BBX: variants seen among roughly 807,000 people sequenced by gnomAD.
The protein encoded by BBX is HMG box transcription factor BBX.
In BBX, 30 loss-of-function variants were observed where a neutral mutation model predicts 100.2. The ratio of observed to expected loss-of-function variants is 0.30; its 90% confidence interval spans 0.22 to 0.41. The LOEUF is 0.41. BBX is among the 10% of genes least tolerant of loss of function. The pLI, the probability that BBX is intolerant of heterozygous loss-of-function variation, is 1.00. For missense variants in BBX, 1,023 were observed against 1,129.8 expected, an observed-to-expected ratio of 0.91 and a Z score of 1.35; for synonymous variants, 376 against 388.1, an observed-to-expected ratio of 0.97 and a Z score of 0.37.
chr3:107,786,664 A>G (rs1053378621), intron 13 of BBX, among the ~76,000 whole-genome samples: 2 of 152,210 alleles, frequency 1.3e-5, no homozygotes, highest in Non-Finnish European at 1.5e-5. Context: ...TCAAAAACTT[A>G]AATGTTAAAG....
At chr3:107,774,600 A>T in intron 11 of BBX, 119 bp from the exon 12 acceptor site, 1 of 1,074,488 alleles carries the variant, frequency 9.3e-7, no homozygotes, top group Non-Finnish European at 1.3e-6. Flanking sequence ...TGAAATAGCT[A>T]CAGTTAGCTT....
chr3:107,756,091 A>T (rs1202214907), intron 10 of BBX, among the ~76,000 whole-genome samples: 1 of 152,090 alleles, frequency 6.6e-6, no homozygotes, highest in Non-Finnish European at 1.5e-5. Flanking sequence ...AAGAATTCAT[A>T]TGACATGTTC....
chr3:107,581,660 C>T (rs957390792), intron 2 of BBX, among the ~76,000 whole-genome samples: 6 of 152,106 alleles, frequency 3.9e-5, no homozygotes, highest in African/African-American at 1.4e-4. Context: ...TACACTGCTT[C>T]ATACTCCGTC....
At chr3:107,757,798 A>G (rs530789022) in intron 10 of BBX, among the ~76,000 whole-genome samples, 1 of 152,326 alleles carries the variant, frequency 6.6e-6, no homozygotes, top group South Asian at 2.1e-4. Context: ...GCATTTTAAG[A>G]TAAATAAATA....
rs182705305 is a variant in BBX at position 107,603,710 on chromosome 3, G to A, written c.-83-42126G>A. 3.2e-3 allele frequency among the ~76,000 whole-genome samples: 480 copies of A among 152,210 alleles called. 1 individual carries two copies. Among genetic ancestry groups the A allele is most frequent in the Non-Finnish European group, 4.8e-3 (328 of 68,014 alleles). ...CATCTTATTTTAAGAAATTGCTACA[G>A]CCATCCTGACATTCAGCAACCACCA... On this transcript the variant is annotated intron_variant, in intron 2 of 17. Coordinates refer to ENST00000325805, the MANE Select transcript of BBX (RefSeq NM_001142568.3).
chr3:107,723,825 G>A (rs2062718941), intron 5 of BBX, among the ~76,000 whole-genome samples: 1 of 152,072 alleles, frequency 6.6e-6, no homozygotes, highest in Admixed American at 6.6e-5. Flanking sequence ...GGACATTTGG[G>A]TTGGTTCCAA....
At chr3:107,616,561 T>TTG (rs994577367) in intron 2 of BBX, among the ~76,000 whole-genome samples, 21 of 152,116 alleles carry the variant, frequency 1.4e-4, no homozygotes, top group South Asian at 6.2e-4. Context: ...CTATCGTTTT[T>TTG]TGTGTGTGTG....
At chr3:107,791,191 A>G (rs2068981498) in intron 14 of BBX, 49 bp from the exon 15 acceptor site, 3 of 1,511,984 alleles carry the variant, frequency 2.0e-6, no homozygotes, top group African/African-American at 1.4e-5. Context: ...TGGGGAATCT[A>G]CTAAGAGTAG....
intron 5 of BBX, among the ~76,000 whole-genome samples, chr3:107,728,080 C>T (rs1489666371): frequency 6.6e-6 from 1 of 152,080 alleles, no homozygotes; most frequent in African/African-American, 2.4e-5. Context: ...AAGGTTGAAA[C>T]CTCCAAGTAA....
intron 3 of BBX, among the ~76,000 whole-genome samples, chr3:107,686,424 G>A (rs1224072574): frequency 1.3e-5 from 2 of 149,446 alleles, no homozygotes; most frequent in South Asian, 4.2e-4. Context: ...TGTTGTTCTT[G>A]TTTTTTGTTT....
At chr3:107,593,332 A>G (rs927992093) in intron 2 of BBX, among the ~76,000 whole-genome samples, 2 of 152,198 alleles carry the variant, frequency 1.3e-5, no homozygotes, top group African/African-American at 4.8e-5. Flanking sequence ...AACCCAAGGG[A>G]GGCTTCCTTT....
chr3:107,699,247 C>T (rs549872079), intron 3 of BBX, among the ~76,000 whole-genome samples: 2 of 151,736 alleles, frequency 1.3e-5, no homozygotes, highest in South Asian at 2.1e-4. Context: ...AGCTAAGCCC[C>T]GAAGCAGGGA....
chr3:107,740,299 AT>A (rs1030140441), intron 7 of BBX, among the ~76,000 whole-genome samples: 47 of 151,734 alleles, frequency 3.1e-4, no homozygotes, highest in Admixed American at 3.0e-3. Flanking sequence ...CATCTCTCAA[AT>A]TTCCTCTTTC....
chr3:107,555,552 A>G (rs1347784924), intron 2 of BBX, among the ~76,000 whole-genome samples: 1 of 152,212 alleles, frequency 6.6e-6, no homozygotes, highest in Non-Finnish European at 1.5e-5. Context: ...CGGAACCAAA[A>G]CTACTATCCC....
rs1404237180 is a variant in BBX, at chr3:107,806,093, C to T, written c.*636C>T. On this transcript the variant is annotated 3_prime_UTR_variant, in exon 18 of 18. Transcript: ENST00000325805. ...ATATATTCTGCACTTTTATATTTGCCACCAGAATGGTAGTTTGCTGGCAAA... is the reference window on the plus strand; with the variant it reads ...ATATATTCTGCACTTTTATATTTGCTACCAGAATGGTAGTTTGCTGGCAAA... 2 of 146,724 alleles carry T rather than the reference C, an allele frequency of 1.4e-5. No individual in the cohort carries two copies. The highest frequency in any genetic ancestry group is 5.1e-5 in the African/African-American group (2 of 39,096). 9.1% of individuals were successfully genotyped at this position (146,724 alleles called of 1,614,324 possible). A position where few individuals can be genotyped will look rare whatever the true frequency, so the allele number is the denominator to read the frequency against.
At chr3:107,743,734 G>A (rs2064308114) in intron 7 of BBX, among the ~76,000 whole-genome samples, 1 of 152,108 alleles carries the variant, frequency 6.6e-6, no homozygotes, top group South Asian at 2.1e-4. Context: ...AATTACACTA[G>A]AGAAGACTTA....
rs76996802 is a variant in BBX at position 107,560,024 on chromosome 3, G to A, written c.-84+33626G>A. ...CTCCCAAAATGCTGGCATTATAGGT[G>A]TGAGTTACCACACTGGGCCAGGATT... On this transcript the variant is annotated intron_variant, in intron 2 of 17. Transcript: ENST00000325805. 2.8e-3 allele frequency among the ~76,000 whole-genome samples: 422 copies of A among 152,276 alleles called. 5 individuals are homozygous for A. Among genetic ancestry groups the A allele is most frequent in the African/African-American group, 9.6e-3 (401 of 41,560 alleles).
intron 2 of BBX, among the ~76,000 whole-genome samples, chr3:107,601,034 CA>C (rs1177342440): frequency 6.6e-6 from 1 of 152,200 alleles, no homozygotes; most frequent in East Asian, 1.9e-4. Flanking sequence ...TGTAACATTT[CA>C]AATATTTTCA....
chr3:107,753,266 C>T (rs191951774), intron 9 of BBX, among the ~76,000 whole-genome samples: 1 of 152,264 alleles, frequency 6.6e-6, no homozygotes, highest in African/African-American at 2.4e-5. Flanking sequence ...CAGTTTTCCA[C>T]CCTTCCTTCC....
Sources: gnomAD v4.1 joint callset for allele counts (sites outside exome capture counted in the v4.1 genomes callset) on GRCh38, gnomAD v4.1.1 for gene constraint, MANE v1.5 for transcripts, NCBI Gene and HGNC (gene_info 2026-07-23, HGNC 2026-07-21) for gene names.